FER1L6: variants seen among roughly 807,000 people sequenced by gnomAD.
FER1L6 encodes the protein fer-1-like protein 6.
A neutral mutation model predicts 219.2 loss-of-function variants in FER1L6; 177 were observed. That is an observed-to-expected ratio of 0.81 (90% confidence interval 0.71 to 0.91). The LOEUF is 0.91. Ranked by LOEUF, FER1L6 falls within the 40% of genes least tolerant of loss-of-function variation. The pLI, the probability that FER1L6 is intolerant of heterozygous loss-of-function variation, is 0.00. For synonymous variants in FER1L6, 768 were observed against 824.3 expected, an observed-to-expected ratio of 0.93 and a Z score of 1.17; for missense variants, 2,153 against 2,259.9, an observed-to-expected ratio of 0.95 and a Z score of 0.96.
intron 2 of FER1L6, among the ~76,000 whole-genome samples, chr8:123,957,161 T>C (rs1455075259): frequency 6.6e-6 from 1 of 152,246 alleles, no homozygotes; most frequent in Non-Finnish European, 1.5e-5. Context: ...AGATGTCCTG[T>C]AGCCATATGT....
At chr8:123,929,004 A>C (rs1392144937) in intron 1 of FER1L6, among the ~76,000 whole-genome samples, 1 of 152,188 alleles carries the variant, frequency 6.6e-6, no homozygotes, top group Non-Finnish European at 1.5e-5. Flanking sequence ...ACCAGTGTGA[A>C]TCCGTGAGTT....
chr8:124,067,312 G>A (rs1257847103), intron 27 of FER1L6, among the ~76,000 whole-genome samples: 1 of 152,180 alleles, frequency 6.6e-6, no homozygotes, highest in Non-Finnish European at 1.5e-5. Context: ...TCCTTTTGCT[G>A]CAATGGACAC....
At chr8:123,927,231 T>C (rs1476165675) in intron 1 of FER1L6, among the ~76,000 whole-genome samples, 2 of 151,202 alleles carry the variant, frequency 1.3e-5, no homozygotes, top group African/African-American at 4.9e-5. Context: ...GTCAGATAGC[T>C]CAACAAGAAT....
chr8:123,960,169 T>G (rs1815206522), intron 2 of FER1L6, among the ~76,000 whole-genome samples: 1 of 152,226 alleles, frequency 6.6e-6, no homozygotes, highest in African/African-American at 2.4e-5. Flanking sequence ...GTAACTTCTC[T>G]GAATCAAAGA....
At chr8:124,059,971 C>T (rs897682022) in intron 22 of FER1L6, among the ~76,000 whole-genome samples, 49 of 152,064 alleles carry the variant, frequency 3.2e-4, no homozygotes, top group African/African-American at 1.2e-3. Context: ...CTTAAGTGCT[C>T]GCTAAATGTT....
In FER1L6 at chr8:124,069,386, G is replaced by A. The variant is rs1479423654; in HGVS notation, c.3745G>A (p.Asp1249Asn). ...GGCAAAGCCAGATGAGGTAGTGGTA[G>A]ATATAGAAGATGGGCCAAAGAAGAA... ...TEAKPDEVVV[D>N]IEDGPKKKKD... Residue 1249 changes from aspartate (D) to asparagine (N), a missense_variant, in exon 29 of 41, where the codon GAT (aspartate) becomes AAT (asparagine). Asp to Asn is a conservative substitution (Grantham distance 23). Transcript: ENST00000522917. 2.5e-6 allele frequency: 4 copies of A among 1,612,620 alleles called. No homozygotes were observed. The highest frequency in any genetic ancestry group is 3.4e-6 in the Non-Finnish European group (4 of 1,179,556).
At chr8:124,051,428 T>A (rs1820023231) in intron 22 of FER1L6, among the ~76,000 whole-genome samples, 1 of 152,170 alleles carries the variant, frequency 6.6e-6, no homozygotes, top group Non-Finnish European at 1.5e-5. Context: ...AGTAGAAATC[T>A]CAGTTTCACC....
intron 1 of FER1L6, among the ~76,000 whole-genome samples, chr8:123,890,515 T>C (rs975846223): frequency 6.6e-6 from 1 of 151,860 alleles, no homozygotes; most frequent in Admixed American, 6.6e-5. Flanking sequence ...ATCATTTTGT[T>C]TCCTATGCAT....
intron 32 of FER1L6, among the ~76,000 whole-genome samples, chr8:124,077,280 A>T (rs1015684088): frequency 6.6e-6 from 1 of 152,222 alleles, no homozygotes; most frequent in Non-Finnish European, 1.5e-5. Flanking sequence ...CACTCAGAAC[A>T]CATTAGCTCC....
At chr8:123,889,136 A>C (rs1018786404) in intron 1 of FER1L6, among the ~76,000 whole-genome samples, 2 of 152,182 alleles carry the variant, frequency 1.3e-5, no homozygotes, top group African/African-American at 4.8e-5. Flanking sequence ...CTTTGTGCAA[A>C]TTTTTTGATA....
intron 32 of FER1L6, among the ~76,000 whole-genome samples, chr8:124,079,556 G>A (rs1821445028): frequency 6.6e-6 from 1 of 152,204 alleles, no homozygotes; most frequent in South Asian, 2.1e-4. Flanking sequence ...CCGTCACCCT[G>A]TGAGTAGATT....
At chr8:124,078,715 G>GT (rs879514772) in intron 32 of FER1L6, among the ~76,000 whole-genome samples, 1 of 151,866 alleles carries the variant, frequency 6.6e-6, no homozygotes, top group African/African-American at 2.4e-5. Context: ...CAGGTGGGAT[G>GT]GGATGGGTGG....
intron 12 of FER1L6, among the ~76,000 whole-genome samples, chr8:124,001,774 A>G (rs566163309): frequency 6.6e-6 from 1 of 152,370 alleles, no homozygotes; most frequent in East Asian, 1.9e-4. Context: ...TTCCACGACC[A>G]GTGGAGACAC....
intron 34 of FER1L6, among the ~76,000 whole-genome samples, chr8:124,092,271 C>CT (rs932132568): frequency 3.9e-5 from 6 of 151,968 alleles, no homozygotes; most frequent in South Asian, 2.1e-4. Context: ...ACATTGTATT[C>CT]TTTTTTTTGT....
At chr8:124,051,426 T>A (rs1329831592) in intron 22 of FER1L6, among the ~76,000 whole-genome samples, 1 of 152,122 alleles carries the variant, frequency 6.6e-6, no homozygotes, top group African/African-American at 2.4e-5. Flanking sequence ...ATAGTAGAAA[T>A]CTCAGTTTCA....
intron 36 of FER1L6, 83 bp downstream of exon 36, chr8:124,097,442 C>A: frequency 9.8e-7 from 1 of 1,024,208 alleles, no homozygotes. Context: ...TGGTGTCTGA[C>A]AGGTTACCTG....
chr8:123,914,983 CA>C (rs1813141569), intron 1 of FER1L6, among the ~76,000 whole-genome samples: 1 of 150,362 alleles, frequency 6.7e-6, no homozygotes, highest in Admixed American at 6.6e-5. Context: ...CTAATGTTTT[CA>C]ATATTAAAAA....
chr8:123,866,721 G>A (rs550653438), intron 1 of FER1L6, among the ~76,000 whole-genome samples: 24 of 152,180 alleles, frequency 1.6e-4, no homozygotes, highest in African/African-American at 5.1e-4. Flanking sequence ...GAGCTCAAGC[G>A]ATCCTCCTGC....
At position 124,017,655 on chromosome 8, in the gene FER1L6, G is replaced by T. The variant is rs751221411; in HGVS notation, c.1950G>T (p.Lys650Asn). The change falls in exon 16 of 41, where the codon AAG (lysine) becomes AAT (asparagine). Residue 650 changes from lysine to asparagine, a missense_variant. Lys to Asn is a moderately conservative substitution (Grantham distance 94). Transcript: ENST00000522917. ...CCTTTATCTCTGAAGCAGAAAAAAA[G>T]CCCAAGATGTTGAACCAAACCACTT... ...SSAFISEAEK[K>N]PKMLNQTTLD... 10 of 1,613,510 alleles carry T rather than the reference G, an allele frequency of 6.2e-6. No individual in the cohort carries two copies. Among genetic ancestry groups the T allele is most frequent in the East Asian group, 4.5e-5 (2 of 44,874 alleles).
Sources: gnomAD v4.1 joint callset for allele counts (sites outside exome capture counted in the v4.1 genomes callset) on GRCh38, gnomAD v4.1.1 for gene constraint, MANE v1.5 for transcripts, NCBI Gene and HGNC (gene_info 2026-07-23, HGNC 2026-07-21) for gene names.